Variants in LRTM1 observed in about 807,000 individuals in gnomAD.
LRTM1 encodes leucine rich repeat transmembrane protein 1.
Under a neutral mutation model 32.4 loss-of-function variants are expected in LRTM1, and 38 were observed. The ratio of observed to expected loss-of-function variants is 1.17; its 90% CI spans 0.91 to 1.54. The LOEUF is 1.54. LRTM1 is among the 40% of genes most tolerant of loss of function. LRTM1 has a pLI of 0.00. For synonymous variants in LRTM1, 186 were observed against 169.9 expected, an observed-to-expected ratio of 1.09 and a Z score of -0.74; for missense variants, 466 against 415.4, an observed-to-expected ratio of 1.12 and a Z score of -1.06.
intron 1 of LRTM1, among the ~76,000 whole-genome samples, chr3:54,947,048 C>T (rs1701633947): frequency 6.6e-6 from 1 of 152,120 alleles, no homozygotes; most frequent in African/African-American, 2.4e-5. Flanking sequence ...TCTGGAACCC[C>T]ATAATGAAAG....
chr3:54,932,828 G>A (rs541051184), upstream of LRTM1, among the ~76,000 whole-genome samples: 10 of 152,338 alleles, frequency 6.6e-5, no homozygotes, highest in South Asian at 1.7e-3. Flanking sequence ...AGGCAGCCAG[G>A]CCTAGTGACA....
chr3:54,965,391 T>G (rs986277360), intron 1 of LRTM1, among the ~76,000 whole-genome samples: 36 of 152,186 alleles, frequency 2.4e-4, no homozygotes, highest in Non-Finnish European at 5.9e-5. Flanking sequence ...CCTTACTGTT[T>G]CCTCCATTTG....
intron 1 of LRTM1, among the ~76,000 whole-genome samples, chr3:54,952,698 C>T (rs1007429361): frequency 5.9e-5 from 9 of 152,200 alleles, no homozygotes; most frequent in African/African-American, 1.9e-4. Flanking sequence ...TTCTGGTGCC[C>T]GCATAGTTCC....
intron 1 of LRTM1, among the ~76,000 whole-genome samples, chr3:54,961,664 A>T (rs1702032514): frequency 2.0e-5 from 3 of 152,112 alleles, no homozygotes; most frequent in Admixed American, 6.5e-5. Context: ...GGCCTGATTG[A>T]TGTGCACAGG....
At chr3:54,921,570 T>C (rs1282398079) in intron 2 of LRTM1, among the ~76,000 whole-genome samples, 2 of 152,120 alleles carry the variant, frequency 1.3e-5, no homozygotes, top group Non-Finnish European at 2.9e-5. Flanking sequence ...CTTTTTGTGG[T>C]CTATTTGAGG....
At chr3:54,924,553 G>A (rs1222049530) in intron 2 of LRTM1, 66 bp downstream of exon 2, 1 of 1,305,918 alleles carries the variant, frequency 7.7e-7, no homozygotes, top group Non-Finnish European at 1.1e-6. Flanking sequence ...CTAATGCAGA[G>A]AACAGATGAG....
intron 1 of LRTM1, among the ~76,000 whole-genome samples, chr3:54,936,267 A>T (rs542174975): frequency 2.0e-5 from 3 of 152,284 alleles, no homozygotes; most frequent in African/African-American, 7.2e-5. Context: ...ATCTGCTTGA[A>T]CTAATCTGCT....
upstream of LRTM1, among the ~76,000 whole-genome samples, chr3:54,932,778 C>T (rs1321288098): frequency 1.3e-5 from 2 of 152,210 alleles, no homozygotes; most frequent in African/African-American, 4.8e-5. Context: ...CAACAGGCTC[C>T]TCATCCAAAC....
upstream of LRTM1, among the ~76,000 whole-genome samples, chr3:54,930,159 C>T (rs1183544167): frequency 2.0e-5 from 3 of 152,142 alleles, no homozygotes; most frequent in Non-Finnish European, 2.9e-5. Context: ...AGGCATAGAT[C>T]GGCCCACAGG....
intron 1 of LRTM1, among the ~76,000 whole-genome samples, chr3:54,955,898 A>G (rs1701877890): frequency 6.6e-6 from 1 of 152,144 alleles, no homozygotes; most frequent in Non-Finnish European, 1.5e-5. Context: ...ACAACAGAAG[A>G]TGGCTTTTCC....
intron 1 of LRTM1, among the ~76,000 whole-genome samples, chr3:54,959,667 T>A (rs1290148222): frequency 1.3e-5 from 2 of 152,132 alleles, no homozygotes; most frequent in Non-Finnish European, 2.9e-5. Context: ...GGACATTGAT[T>A]TGTGCAGCCC....
intron 1 of LRTM1, among the ~76,000 whole-genome samples, chr3:54,936,851 A>G (rs753328354): frequency 4.6e-5 from 7 of 152,168 alleles, no homozygotes; most frequent in Non-Finnish European, 1.0e-4. Context: ...AAGCTCCTTC[A>G]TGTGTTGTCA....
intron 1 of LRTM1, among the ~76,000 whole-genome samples, chr3:54,944,008 G>A (rs1019588816): frequency 6.6e-6 from 1 of 152,104 alleles, no homozygotes; most frequent in Non-Finnish European, 1.5e-5. Flanking sequence ...CTAACCATTT[G>A]ACTGGCCATA....
chr3:54,961,930 C>T (rs56948995), intron 1 of LRTM1, among the ~76,000 whole-genome samples: 1,758 of 152,148 alleles, frequency 0.012, 29 homozygotes, highest in African/African-American at 0.04. Flanking sequence ...GAGGGACTTG[C>T]TGGTGGGGGC....
chr3:54,928,173 A>C (rs1203504159), upstream of LRTM1: 4 of 514,522 alleles, frequency 7.8e-6, no homozygotes, highest in Non-Finnish European at 1.4e-5. Flanking sequence ...CTTTCTTAAA[A>C]TGTTGGCCTC....
chr3:54,947,819 G>A lies in LRTM1; in HGVS notation c.-222+19109C>T, dbSNP rs1044276811. Among the ~76,000 whole-genome samples, 4 of 152,266 alleles carry A rather than the reference G, an allele frequency of 2.6e-5. 1 individual carries two copies. Among genetic ancestry groups the A allele is most frequent in the Admixed American group, 1.3e-4 (2 of 15,292 alleles). On this transcript the variant is annotated intron_variant, in intron 1 of 2. Coordinates refer to the LRTM1 transcript ENST00000493075. ...AATCATTGCAATGTTTGGGGATGTG[G>A]GTCAGGAAGCATCCATGTAAATGGT...
intron 1 of LRTM1, among the ~76,000 whole-genome samples, chr3:54,934,753 G>T (rs1701287447): frequency 1.3e-5 from 2 of 152,080 alleles, no homozygotes; most frequent in Non-Finnish European, 2.9e-5. Flanking sequence ...TTTTTGTTGA[G>T]ACAGAGTGTC....
intron 1 of LRTM1, among the ~76,000 whole-genome samples, chr3:54,954,491 G>A (rs1216034501): frequency 2.0e-5 from 3 of 152,226 alleles, no homozygotes; most frequent in African/African-American, 4.8e-5. Context: ...GCAGATGCCT[G>A]CCCAGACATC....
intron 1 of LRTM1, among the ~76,000 whole-genome samples, chr3:54,964,505 C>G (rs895994063): frequency 1.3e-5 from 2 of 151,932 alleles, no homozygotes; most frequent in Non-Finnish European, 2.9e-5. Context: ...TGACTTAAAT[C>G]AATATACTGT....
Sources: gnomAD v4.1 joint callset for allele counts (sites outside exome capture counted in the v4.1 genomes callset) on GRCh38, gnomAD v4.1.1 for gene constraint, MANE v1.5 for transcripts, NCBI Gene and HGNC (gene_info 2026-07-23, HGNC 2026-07-21) for gene names.